Variants in HOMER3 observed in about 807,000 individuals in gnomAD.
The protein encoded by HOMER3 is homer scaffold protein 3.
A neutral mutation model predicts 45.5 loss-of-function variants in HOMER3; 34 were observed. That is an observed-to-expected ratio of 0.75 (90% CI 0.57 to 1.00). HOMER3 has a LOEUF of 1.00. Ranked by LOEUF, HOMER3 falls within the 50% of genes least tolerant of loss-of-function variation. The pLI is 0.00. For synonymous variants in HOMER3, 223 were observed against 208.8 expected (o/e 1.07, Z -0.58); for missense variants, 480 against 497.5 (o/e 0.96, Z 0.33).
intron 9 of HOMER3, among the ~76,000 whole-genome samples, chr19:18,930,440 C>A (rs771837141): frequency 6.7e-6 from 1 of 148,550 alleles, no homozygotes; most frequent in Middle Eastern, 3.8e-3. Flanking sequence ...TCCAGCTACT[C>A]GGGAGGCTGA....
In HOMER3 at chr19:18,929,316, G is replaced by T; in HGVS notation, c.*127C>A. ...ACTGGGGCCCACCCCAGCCCAGCCC[G>T]GCCCGGCCCACCCAGGGCTAAGTTG... On this transcript the variant is annotated 3_prime_UTR_variant, in exon 10 of 10. Transcript: ENST00000392351. 1 of 758,066 alleles carries T rather than the reference G, an allele frequency of 1.3e-6. No individual in the cohort carries two copies. Among genetic ancestry groups the T allele is most frequent in the South Asian group, 1.3e-5 (1 of 75,050 alleles). The allele number at this position is 758,066 out of a possible 1,614,324, so 47.0% of individuals were successfully genotyped here.
chr19:18,932,201 AG>A, intron 6 of HOMER3, 69 bp from the exon 7 acceptor site: 1 of 130,594 alleles, frequency 7.7e-6, no homozygotes. Flanking sequence ...ATGCTGGGCT[AG>A]GGGGCGGGGC....
chr19:18,932,885 A>AACCCCCCCCCCGGCCCCCCC, intron 6 of HOMER3, 39 bp downstream of exon 6: 1 of 687,538 alleles, frequency 1.5e-6, no homozygotes, highest in Non-Finnish European at 2.1e-6. Context: ...CCCCACCCCT[A>AACCCCCCCCCCGGCCCCCCC]CCCCCGCCCC....
chr19:18,938,618 G>A, intron 3 of HOMER3, 110 bp downstream of exon 3: 1 of 1,498,582 alleles, frequency 6.7e-7, no homozygotes, highest in Non-Finnish European at 9.1e-7. Flanking sequence ...ACTAGGGCCT[G>A]GGAAGGCTTA....
intron 1 of HOMER3, chr19:18,940,690 G>T (rs2057146447): frequency 6.6e-6 from 1 of 151,860 alleles, no homozygotes; most frequent in Non-Finnish European, 1.5e-5. Context: ...CCGGTCCTCC[G>T]CGTTGTCCTA....
At chr19:18,933,995 C>T (rs759630144) in intron 5 of HOMER3, among the ~76,000 whole-genome samples, 7 of 152,118 alleles carry the variant, frequency 4.6e-5, no homozygotes, top group African/African-American at 4.8e-5. Flanking sequence ...CGTGAGCCAC[C>T]GCACCCGGCC....
rs1460326193 is a variant in HOMER3 at position 18,941,180 on chromosome 19, A to ACGCCGCCCGTGCCTTTGTCTGCGCCGC, written c.-224_-198dup. 1 of 146,978 alleles carries ACGCCGCCCGTGCCTTTGTCTGCGCCGC rather than the reference A, an allele frequency of 6.8e-6. No individual in the cohort carries two copies. The highest frequency in any genetic ancestry group is 2.5e-5 in the African/African-American group (1 of 40,402). 9.1% of individuals were successfully genotyped at this position (146,978 alleles called of 1,614,324 possible). A position where few individuals can be genotyped will look rare whatever the true frequency, so the allele number is the denominator to read the frequency against. Reference sequence around the variant, plus strand: ...GCCCGCGCCCTCCGCGCCGCCCTCCACGCCGCCCGTGCCTTTGTCTGCGCC... The same window carrying ACGCCGCCCGTGCCTTTGTCTGCGCCGC: ...GCCCGCGCCCTCCGCGCCGCCCTCCACGCCGCCCGTGCCTTTGTCTGCGCCGCCGCCGCCCGTGCCTTTGTCTGCGCC... On this transcript the variant is annotated 5_prime_UTR_variant, in exon 1 of 10. Coordinates refer to ENST00000392351, the MANE Select transcript of HOMER3 (RefSeq NM_004838.4).
In HOMER3 at chr19:18,938,371, A is replaced by C. The variant is rs765873598; in HGVS notation, c.285T>G (p.Ser95=). Residue 95 remains serine, a synonymous_variant, in exon 4 of 10, where the codon TCT becomes TCG. Coordinates refer to ENST00000392351, the MANE Select transcript of HOMER3 (RefSeq NM_004838.4). ...GGCCCACCTGTGTCAGATGCTGTTC[A>C]GAGGCAAAGCCCAGGCCGTAGACTG... The part of the protein sequence containing the change: ...ANTVYGLGFA[S]EQHLTQFAEK... The C allele has an allele frequency of 1.8e-4, 294 of 1,612,006 alleles. 1 individual carries two copies. The highest frequency in any genetic ancestry group is 2.4e-4 in the Non-Finnish European group (278 of 1,178,346).
rs1204963341 is a variant in HOMER3, at chr19:18,932,282, T to C, written c.534-150A>G. On this transcript the variant is annotated intron_variant, in intron 6 of 9. Coordinates refer to ENST00000392351, the MANE Select transcript of HOMER3 (RefSeq NM_004838.4). ...GAGGGTGCGGAGTCGTGCGCGAAGT[T>C]GGACTAGGGGGCGGGGCAGGGGTGG... 3.1e-5 allele frequency: 10 copies of C among 327,736 alleles called. No individual in the cohort carries two copies. The African/African-American group carries it at 4.0e-4, about 13-fold the overall frequency. The allele number at this position is 327,736 out of a possible 1,614,324, so 20.3% of individuals were successfully genotyped here.
chr19:18,937,068 G>A (rs2057101191), intron 4 of HOMER3, among the ~76,000 whole-genome samples: 1 of 151,904 alleles, frequency 6.6e-6, no homozygotes, highest in African/African-American at 2.4e-5. Context: ...CACTTTAGGA[G>A]GCCAAAGTGA....
chr19:18,931,770 C>G (rs1207397154), intron 7 of HOMER3, 145 bp from the exon 8 acceptor site: 2 of 1,472,354 alleles, frequency 1.4e-6, no homozygotes, highest in Admixed American at 2.4e-5. Flanking sequence ...CCCCTCTGCA[C>G]AGCTTGGACT....
chr19:18,938,505 T>C (rs2057118700), intron 3 of HOMER3, 21 bp from the exon 4 acceptor site: 1 of 1,608,234 alleles, frequency 6.2e-7, no homozygotes, highest in Non-Finnish European at 8.5e-7. Context: ...GGAACAAAGT[T>C]CAAGGTAGAT....
rs906757614 is a variant in HOMER3, at chr19:18,938,102, G to C, written c.303+251C>G. Among the ~76,000 whole-genome samples, 7 of 151,952 alleles carry C rather than the reference G, an allele frequency of 4.6e-5. No homozygotes were observed. The South Asian group carries it at 1.2e-3, about 27-fold the overall frequency. ...AGCTACTCAGGAGGCTGAGGCAGGAGAATCGCTTGAACCCGGGAGGCGGAG... is the reference window on the plus strand; with the variant it reads ...AGCTACTCAGGAGGCTGAGGCAGGACAATCGCTTGAACCCGGGAGGCGGAG... On this transcript the variant is annotated intron_variant, in intron 4 of 9. Transcript: ENST00000392351.
At chr19:18,934,877 T>TGG (rs1555715173) in intron 4 of HOMER3, among the ~76,000 whole-genome samples, 1 of 78,730 alleles carries the variant, frequency 1.3e-5, no homozygotes, top group Non-Finnish European at 3.8e-5. Context: ...TTTTGTTTTT[T>TGG]TTTTTTTTGA....
At chr19:18,937,689 A>AG (rs990381830) in intron 4 of HOMER3, among the ~76,000 whole-genome samples, 4 of 151,870 alleles carry the variant, frequency 2.6e-5, no homozygotes, top group African/African-American at 9.6e-5. Context: ...AAAAAAAAAA[A>AG]AAGAAGAAGA....
In HOMER3 at chr19:18,932,907, C is replaced by CCCCCCA; in HGVS notation, c.533+16_533+17insTGGGGG. 1 of 1,377,520 alleles carries CCCCCCA rather than the reference C, an allele frequency of 7.3e-7. No homozygotes were observed. The highest frequency in any genetic ancestry group is 9.4e-7 in the Non-Finnish European group (1 of 1,059,404). 85.3% of individuals were successfully genotyped at this position (1,377,520 alleles called of 1,614,324 possible). Reference sequence around the variant, plus strand: ...CCTACCCCCGCCCCTGCCACGCCCCCAAGTCCCGCCCCTCACCCCTCAGAC... The same window carrying CCCCCCA: ...CCTACCCCCGCCCCTGCCACGCCCCCCCCCCAAAGTCCCGCCCCTCACCCCTCAGAC... On this transcript the variant is annotated intron_variant, in intron 6 of 9. Transcript: ENST00000392351.
In HOMER3 at chr19:18,933,031, AGGGCTCGG is replaced by A; in HGVS notation, c.418_425del (p.Pro140SerfsTer19). On this transcript the variant is annotated frameshift_variant, in exon 6 of 10. Transcript: ENST00000392351. LOFTEE classifies it high-confidence loss of function. ...CGCCGGGGCCGTTGGCACTGACGAGAGGGCTCGGGGGCACCTAGGCACGGGGAAAAGAA... is the reference window on the plus strand; with the variant it reads ...CGCCGGGGCCGTTGGCACTGACGAGAGGGCACCTAGGCACGGGGAAAAGAA... 2.7e-6 allele frequency: 4 copies of A among 1,489,614 alleles called. No individual in the cohort carries two copies. The highest frequency in any genetic ancestry group is 3.6e-6 in the Non-Finnish European group (4 of 1,124,322). The allele number at this position is 1,489,614 out of a possible 1,614,324, so 92.3% of individuals were successfully genotyped here. A position where few individuals can be genotyped will look rare whatever the true frequency, so the allele number is the denominator to read the frequency against.
At chr19:18,937,523 T>G (rs2057106339) in intron 4 of HOMER3, among the ~76,000 whole-genome samples, 1 of 150,932 alleles carries the variant, frequency 6.6e-6, no homozygotes, top group Admixed American at 6.6e-5. Flanking sequence ...AATACAAAAA[T>G]TAGCTGGGCG....
chr19:18,932,776 G>A lies in HOMER3; in HGVS notation c.533+148C>T, dbSNP rs2057051090. On this transcript the variant is annotated intron_variant, in intron 6 of 9. Coordinates refer to ENST00000392351, the MANE Select transcript of HOMER3 (RefSeq NM_004838.4). ...AGGGGCGGGGTCGGCTCTGGATGGG[G>A]CAGCATTCAGATCCTCATCCCCTTC... 5.0e-6 allele frequency: 3 copies of A among 600,140 alleles called. No individual in the cohort carries two copies. The South Asian group carries it at 1.0e-4, about 21-fold the overall frequency. 37.2% of individuals were successfully genotyped at this position (600,140 alleles called of 1,614,324 possible).
Sources: gnomAD v4.1 joint callset for allele counts (sites outside exome capture counted in the v4.1 genomes callset) on GRCh38, gnomAD v4.1.1 for gene constraint, MANE v1.5 for transcripts, NCBI Gene and HGNC (gene_info 2026-07-23, HGNC 2026-07-21) for gene names.